ABLIM2: variants seen among roughly 807,000 people sequenced by gnomAD.
ABLIM2 encodes the protein actin-binding LIM protein 2.
ABLIM2 carries 53 observed loss-of-function variants against 97.7 expected under a neutral mutation model. The ratio of observed to expected loss-of-function variants is 0.54; its 90% CI spans 0.44 to 0.68. The LOEUF (loss-of-function observed/expected upper bound fraction) is 0.68. Ranked by LOEUF, ABLIM2 falls within the 30% of genes least tolerant of loss-of-function variation. The probability of loss-of-function intolerance (pLI) is 0.00; values close to 1 mark genes in which losing one functional copy is unlikely to be tolerated. For synonymous variants in ABLIM2, 361 were observed against 345.8 expected (o/e 1.04, Z -0.49); for missense variants, 835 against 867.2 (o/e 0.96, Z 0.47).
rs1241507608 is a variant in ABLIM2, at chr4:8,019,789, G to A, written c.1370-118C>T. The A allele has an allele frequency of 1.4e-5, 14 of 983,944 alleles. 1 individual carries two copies. The South Asian group carries it at 2.0e-4, about 14-fold the overall frequency. 61.0% of individuals were successfully genotyped at this position (983,944 alleles called of 1,614,324 possible). A position where few individuals can be genotyped will look rare whatever the true frequency, so the allele number is the denominator to read the frequency against. ...CACTCACCCAGATTTAGAATCATCA[G>A]GCAGGAACTGGCACCCAGCGAGCGA... On this transcript the variant is annotated intron_variant, in intron 13 of 20. Transcript: ENST00000447017. This position sits in a 1 kb window ranked among gnomAD's most constrained non-coding sequence, Gnocchi z 4.3.
At chr4:8,062,918 C>T (rs1401601031) in intron 6 of ABLIM2, among the ~76,000 whole-genome samples, 1 of 152,204 alleles carries the variant, frequency 6.6e-6, no homozygotes. Context: ...TCCAGGTGCC[C>T]CCACTTCACA....
rs952410001 is a variant in ABLIM2 at position 8,095,355 on chromosome 4, C to T, written c.338+1744G>A. Among the ~76,000 whole-genome samples the T allele has an allele frequency of 2.6e-5, 4 of 152,208 alleles. No homozygotes were observed. Among genetic ancestry groups the T allele is most frequent in the South Asian group, 4.1e-4 (2 of 4,820 alleles). ...CCAGCCTCAAGTGATCCTCGCACCT[C>T]GGCCTCCCAAAGTGGAGGGATTATA... is the stretch of plus-strand genomic sequence containing the variant. On this transcript the variant is annotated intron_variant, in intron 3 of 20. Transcript: ENST00000447017. The surrounding 1 kb of genome is among the most constrained non-coding windows in gnomAD (Gnocchi z 4.7).
chr4:8,080,533 C>T (rs767173640), intron 5 of ABLIM2, 143 bp downstream of exon 5: 13 of 994,300 alleles, frequency 1.3e-5, no homozygotes, highest in Non-Finnish European at 1.6e-5. Context: ...ATGCTTCTCA[C>T]CCAGCAGCAG....
chr4:8,088,334 C>T (rs1282277433), intron 3 of ABLIM2, 50 bp from the exon 4 acceptor site: 1 of 1,460,820 alleles, frequency 6.8e-7, no homozygotes, highest in Non-Finnish European at 9.5e-7. Flanking sequence ...TGGCTCCTCT[C>T]TGGGGGAGCC....
chr4:8,091,648 T>TA (rs1279767543), intron 3 of ABLIM2, among the ~76,000 whole-genome samples: 1,412 of 58,152 alleles, frequency 0.024, 212 homozygotes, highest in African/African-American at 0.1. Flanking sequence ...TAATTTTATA[T>TA]ATTATATAAT....
At chr4:8,154,017 C>T (rs556247411) in intron 1 of ABLIM2, among the ~76,000 whole-genome samples, 4 of 139,332 alleles carry the variant, frequency 2.9e-5, no homozygotes, top group Admixed American at 2.3e-4. Context: ...GGCTGGAGTG[C>T]AGTGGCGTGA....
At chr4:8,136,210 G>A (rs1416651670) in intron 1 of ABLIM2, among the ~76,000 whole-genome samples, 2 of 152,294 alleles carry the variant, frequency 1.3e-5, no homozygotes, top group East Asian at 3.9e-4. Flanking sequence ...AATATCACAG[G>A]ATGCCACTTA....
At chr4:8,097,607 C>T (rs1370104941) in intron 2 of ABLIM2, among the ~76,000 whole-genome samples, 1 of 152,208 alleles carries the variant, frequency 6.6e-6, no homozygotes, top group Non-Finnish European at 1.5e-5. Flanking sequence ...GTGACCCCGC[C>T]AGGGATGGTC....
chr4:8,085,905 C>T lies in ABLIM2; in HGVS notation c.454+2264G>A, dbSNP rs1241867937. ...GCTCACTTGCTTTGGAGTTGAAAGGCCTTGGCCCACCCCTCGGCACTTCCG... is the reference window on the plus strand; with the variant it reads ...GCTCACTTGCTTTGGAGTTGAAAGGTCTTGGCCCACCCCTCGGCACTTCCG... On this transcript the variant is annotated intron_variant, in intron 4 of 20. Coordinates refer to ENST00000447017, the MANE Select transcript of ABLIM2 (RefSeq NM_001130083.2). This position sits in a 1 kb window ranked among gnomAD's most constrained non-coding sequence, Gnocchi z 6.1. 6.7e-6 allele frequency among the ~76,000 whole-genome samples: 1 copy of T among 150,156 alleles called. No homozygotes were observed. The highest frequency in any genetic ancestry group is 2.0e-4 in the East Asian group (1 of 5,030).
At chr4:7,968,173 G>GA (rs1724525894) in intron 20 of ABLIM2, among the ~76,000 whole-genome samples, 1 of 152,254 alleles carries the variant, frequency 6.6e-6, no homozygotes, top group Admixed American at 6.5e-5. Flanking sequence ...AAAGAGGCTG[G>GA]AGAAGGCCAG....
At chr4:8,152,440 C>T (rs530426573) in intron 1 of ABLIM2, among the ~76,000 whole-genome samples, 37 of 152,348 alleles carry the variant, frequency 2.4e-4, no homozygotes, top group Non-Finnish European at 4.0e-4. Context: ...GAAACCTATA[C>T]GAGCATCTGG....
intron 8 of ABLIM2, among the ~76,000 whole-genome samples, chr4:8,049,873 A>G (rs917177128): frequency 6.6e-6 from 1 of 152,160 alleles, no homozygotes; most frequent in African/African-American, 2.4e-5. Flanking sequence ...GATTACAGGC[A>G]AGTGCCACCA....
chr4:8,036,453 T>C (rs1406429911), intron 9 of ABLIM2, among the ~76,000 whole-genome samples, 158 bp from the exon 10 acceptor site: 5 of 125,782 alleles, frequency 4.0e-5, no homozygotes, highest in South Asian at 4.6e-4. Context: ...CACAGGACAG[T>C]GCCCCCAAAG....
rs183782431 is a variant in ABLIM2 at position 8,112,203 on chromosome 4, C to T, written c.11-5566G>A. Among the ~76,000 whole-genome samples, 255 of 152,290 alleles carry T rather than the reference C, an allele frequency of 1.7e-3. 8 individuals are homozygous for T. The highest frequency in any genetic ancestry group is 4.3e-4 in the Non-Finnish European group (29 of 68,032). On this transcript the variant is annotated intron_variant, in intron 1 of 20. Coordinates refer to ENST00000447017, the MANE Select transcript of ABLIM2 (RefSeq NM_001130083.2). The surrounding 1 kb of genome is among the most constrained non-coding windows in gnomAD (Gnocchi z 4.2). ...ACACACAACCTTCACAACAAAGGGA[C>T]GTGGCTCTCTCAGGAAATCCCCCTG...
intron 12 of ABLIM2, among the ~76,000 whole-genome samples, chr4:8,025,041 C>T (rs896792169): frequency 2.6e-5 from 4 of 152,180 alleles, no homozygotes; most frequent in Non-Finnish European, 5.9e-5. Context: ...GCAATCCTCC[C>T]GCCTCAGCCT....
At position 8,122,335 on chromosome 4, in the gene ABLIM2, C is replaced by T. The variant is rs1329460509; in HGVS notation, c.11-15698G>A. Among the ~76,000 whole-genome samples the T allele has an allele frequency of 3.3e-5, 5 of 152,238 alleles. No homozygotes were observed. Among genetic ancestry groups the T allele is most frequent in the African/African-American group, 9.6e-5 (4 of 41,466 alleles). ...TCCTCCATTTCCCAGGGGACACCCTCTGTCCTGGTCCATGTGGGCTGCCAG... is the reference window on the plus strand; with the variant it reads ...TCCTCCATTTCCCAGGGGACACCCTTTGTCCTGGTCCATGTGGGCTGCCAG... On this transcript the variant is annotated intron_variant, in intron 1 of 20. Coordinates refer to ENST00000447017, the MANE Select transcript of ABLIM2 (RefSeq NM_001130083.2). The surrounding 1 kb of genome is among the most constrained non-coding windows in gnomAD (Gnocchi z 4.1).
chr4:8,012,075 T>A (rs1765261954), intron 14 of ABLIM2, among the ~76,000 whole-genome samples: 5 of 151,750 alleles, frequency 3.3e-5, no homozygotes, highest in Admixed American at 3.3e-4. Flanking sequence ...CACCCATCCA[T>A]CCAGCCACCA....
intron 1 of ABLIM2, among the ~76,000 whole-genome samples, chr4:8,108,073 G>A (rs1026564082): frequency 4.6e-5 from 7 of 152,244 alleles, no homozygotes; most frequent in African/African-American, 9.6e-5. Context: ...GGTGGGCACC[G>A]TGACCTCTGG....
chr4:8,074,738 G>A (rs931512907), intron 6 of ABLIM2, among the ~76,000 whole-genome samples: 19 of 151,774 alleles, frequency 1.3e-4, no homozygotes, highest in Non-Finnish European at 2.6e-4. Context: ...ACTGGAAGGC[G>A]GCATTGTGTC....
Sources: gnomAD v4.1 joint callset for allele counts (sites outside exome capture counted in the v4.1 genomes callset) on GRCh38, gnomAD v4.1.1 for gene constraint, Gnocchi (gnomAD v3.1) non-coding constraint, MANE v1.5 for transcripts, NCBI Gene and HGNC (gene_info 2026-07-23, HGNC 2026-07-21) for gene names.